DLG2: variants seen among roughly 807,000 people sequenced by gnomAD.
The protein encoded by DLG2 is discs large MAGUK scaffold protein 2.
Under a neutral mutation model 132.5 loss-of-function variants are expected in DLG2, and 45 were observed. The ratio of observed to expected loss-of-function variants is 0.34; its 90% CI spans 0.27 to 0.44. The LOEUF (loss-of-function observed/expected upper bound fraction) is 0.44. DLG2 is among the 20% of genes least tolerant of loss of function. DLG2 has a pLI of 1.00. For missense variants in DLG2, 1,045 were observed against 1,196.9 expected (o/e 0.87, Z 1.87); for synonymous variants, 424 against 419.6 (o/e 1.01, Z -0.13).
In DLG2 at chr11:84,938,252, AG is replaced by A. The variant is rs563201924; in HGVS notation, c.357+173408del. 1.1e-3 allele frequency among the ~76,000 whole-genome samples: 164 copies of A among 152,290 alleles called. 2 individuals carry two copies. Among genetic ancestry groups the A allele is most frequent in the African/African-American group, 3.9e-3 (161 of 41,558 alleles). ...ATTATGTCCCCATAGCATCTTCCACAGGGTTCTTAGATACCCAACAAAAATC... is the reference window on the plus strand; with the variant it reads ...ATTATGTCCCCATAGCATCTTCCACAGGTTCTTAGATACCCAACAAAAATC... On this transcript the variant is annotated intron_variant, in intron 6 of 27. Coordinates refer to ENST00000376104, the MANE Select transcript of DLG2 (RefSeq NM_001142699.3).
At chr11:85,600,590 TTTA>T (rs1021478297) in intron 2 of DLG2, among the ~76,000 whole-genome samples, 37 of 152,338 alleles carry the variant, frequency 2.4e-4, no homozygotes, top group African/African-American at 7.9e-4. Flanking sequence ...CAATAATATT[TTTA>T]TTGGTTTTTA....
chr11:85,077,383 A>AG (rs1363053299), intron 6 of DLG2, among the ~76,000 whole-genome samples: 1 of 152,008 alleles, frequency 6.6e-6, no homozygotes, highest in African/African-American at 2.4e-5. Flanking sequence ...AAGGAGTGAT[A>AG]GGAACAAATT....
intron 18 of DLG2, among the ~76,000 whole-genome samples, chr11:83,733,974 A>T (rs1167647845): frequency 7.7e-6 from 1 of 129,408 alleles, no homozygotes; most frequent in African/African-American, 3.0e-5. Context: ...CTGTATGTCC[A>T]CATGCACACA....
chr11:85,404,274 G>C (rs1194416812), intron 3 of DLG2, among the ~76,000 whole-genome samples: 2 of 151,940 alleles, frequency 1.3e-5, no homozygotes, highest in Admixed American at 6.6e-5. Flanking sequence ...CTCAAGAAGA[G>C]TGCACAGAGG....
At chr11:83,850,224 G>A (rs2059488033) in intron 16 of DLG2, among the ~76,000 whole-genome samples, 1 of 150,492 alleles carries the variant, frequency 6.6e-6, no homozygotes, top group Non-Finnish European at 1.5e-5. Flanking sequence ...CGTGATCCCG[G>A]CTCACTGCAA....
chr11:84,869,285 T>C (rs1355163733), intron 6 of DLG2, among the ~76,000 whole-genome samples: 1 of 152,208 alleles, frequency 6.6e-6, no homozygotes, highest in Admixed American at 6.5e-5. Flanking sequence ...CCTTCCTATT[T>C]AGTAAGAGGC....
chr11:83,561,582 G>A (rs2096610037), intron 19 of DLG2, among the ~76,000 whole-genome samples: 1 of 152,148 alleles, frequency 6.6e-6, no homozygotes, highest in African/African-American at 2.4e-5. Context: ...TTTTCCAGAG[G>A]CTCCAGTCTG....
chr11:84,220,658 A>G (rs879439766), intron 8 of DLG2, among the ~76,000 whole-genome samples: 1 of 152,174 alleles, frequency 6.6e-6, no homozygotes, highest in Non-Finnish European at 1.5e-5. Flanking sequence ...TAAAAGCTCA[A>G]TTATGTATAA....
intron 6 of DLG2, among the ~76,000 whole-genome samples, chr11:84,838,688 A>C (rs1361720268): frequency 2.6e-5 from 4 of 152,126 alleles, no homozygotes; most frequent in Admixed American, 6.6e-5. Flanking sequence ...CTGGTTCAAC[A>C]TATGCAAATC....
At chr11:84,251,411 C>T (rs2154350779) in intron 7 of DLG2, 120 bp from the exon 8 acceptor site, 2 of 662,690 alleles carry the variant, frequency 3.0e-6, no homozygotes, top group Middle Eastern at 2.6e-4. Flanking sequence ...CTACAGGCAC[C>T]GTGTCAAGTG....
intron 6 of DLG2, among the ~76,000 whole-genome samples, chr11:84,637,772 C>T (rs567436119): frequency 6.6e-6 from 1 of 152,308 alleles, no homozygotes; most frequent in Admixed American, 6.5e-5. Context: ...TGAGATGGCT[C>T]TTAGTGTGGA....
intron 6 of DLG2, among the ~76,000 whole-genome samples, chr11:85,008,109 C>T (rs2058854437): frequency 6.6e-6 from 1 of 152,042 alleles, no homozygotes; most frequent in African/African-American, 2.4e-5. Flanking sequence ...ATATAAATAG[C>T]ATTACATTAT....
chr11:83,820,340 T>C (rs1465678154), intron 17 of DLG2, among the ~76,000 whole-genome samples: 1 of 152,168 alleles, frequency 6.6e-6, no homozygotes, highest in Non-Finnish European at 1.5e-5. Context: ...GGTTTCTTCA[T>C]AAAAAGTTGT....
intron 3 of DLG2, among the ~76,000 whole-genome samples, chr11:85,513,457 A>T (rs896627955): frequency 6.6e-6 from 1 of 152,098 alleles, no homozygotes; most frequent in Non-Finnish European, 1.5e-5. Context: ...TTGAGATGTC[A>T]ATAGTGAGCA....
At chr11:84,725,156 A>C (rs1054989745) in intron 6 of DLG2, among the ~76,000 whole-genome samples, 13 of 152,126 alleles carry the variant, frequency 8.5e-5, no homozygotes, top group Non-Finnish European at 4.4e-5. Flanking sequence ...AAGCCACCTG[A>C]TTTGAGGATC....
chr11:84,889,541 G>A (rs1209865068), intron 6 of DLG2, among the ~76,000 whole-genome samples: 2 of 152,078 alleles, frequency 1.3e-5, no homozygotes, highest in Non-Finnish European at 2.9e-5. Flanking sequence ...CTGTCTGAAG[G>A]GACAAAAGTG....
At chr11:84,521,047 T>C (rs575319978) in intron 7 of DLG2, among the ~76,000 whole-genome samples, 1 of 152,326 alleles carries the variant, frequency 6.6e-6, no homozygotes, top group South Asian at 2.1e-4. Context: ...ATTTTCTTTT[T>C]ACAAAACTAT....
intron 8 of DLG2, among the ~76,000 whole-genome samples, chr11:84,235,715 C>T (rs1476800272): frequency 5.3e-5 from 8 of 152,054 alleles, no homozygotes. Context: ...TTAAGTGTCT[C>T]CTTCAGTCTG....
intron 3 of DLG2, among the ~76,000 whole-genome samples, chr11:85,465,432 T>A (rs1198398875): frequency 6.6e-6 from 1 of 152,038 alleles, no homozygotes; most frequent in Non-Finnish European, 1.5e-5. Flanking sequence ...ATTAGGTATA[T>A]CTCCTAATGC....
Sources: gnomAD v4.1 joint callset for allele counts (sites outside exome capture counted in the v4.1 genomes callset) on GRCh38, gnomAD v4.1.1 for gene constraint, MANE v1.5 for transcripts, NCBI Gene and HGNC (gene_info 2026-07-23, HGNC 2026-07-21) for gene names.